Variants in PTPRQ observed in about 807,000 individuals in gnomAD.
The protein encoded by PTPRQ is phosphatidylinositol phosphatase PTPRQ.
In PTPRQ, 199 loss-of-function variants were observed where a neutral mutation model predicts 246.0. The observed-to-expected ratio is 0.81, with a 90% CI of 0.72 to 0.91. The LOEUF (loss-of-function observed/expected upper bound fraction) is 0.91. PTPRQ is among the 40% of genes least tolerant of loss of function. The probability of loss-of-function intolerance (pLI) is 0.00; values close to 1 mark genes in which losing one functional copy is unlikely to be tolerated. For synonymous variants in PTPRQ, 869 were observed against 853.2 expected (o/e 1.02, Z -0.32); for missense variants, 2,624 against 2,528.4 (o/e 1.04, Z -0.81).
At chr12:80,625,300 T>C (rs966697184) in intron 33 of PTPRQ, among the ~76,000 whole-genome samples, 5 of 151,806 alleles carry the variant, frequency 3.3e-5, no homozygotes, top group Non-Finnish European at 5.9e-5. Context: ...ACATTCCTGG[T>C]AAGCTGCTGA....
At chr12:80,461,875 T>A (rs1375728197) in intron 6 of PTPRQ, 2 of 148,696 alleles carry the variant, frequency 1.3e-5, no homozygotes, top group Non-Finnish European at 3.0e-5. Flanking sequence ...AAAAATGATT[T>A]CGGGGGGAGC....
intron 25 of PTPRQ, among the ~76,000 whole-genome samples, chr12:80,574,716 T>C (rs1435455301): frequency 1.3e-5 from 2 of 152,318 alleles, no homozygotes. Context: ...GTTTCTGCTG[T>C]TATTGTTATA....
chr12:80,526,016 G>C (rs1895675436), intron 17 of PTPRQ: 1 of 152,088 alleles, frequency 6.6e-6, no homozygotes, highest in Admixed American at 6.6e-5. Context: ...ATTTTTAAGA[G>C]ATAGCATCAA....
Position 80,496,023 on chromosome 12 carries a change from A to G in PTPRQ, c.1907A>G (p.Lys636Arg). Residue 636 changes from lysine to arginine, a missense_variant, in exon 13 of 45, where the codon AAA becomes AGA. Lys to Arg is a conservative substitution (Grantham distance 26, BLOSUM62 2). Coordinates refer to ENST00000644991, the MANE Select transcript of PTPRQ (RefSeq NM_001145026.2). ...GGGTTAAAGAAATACACAAAATACA[A>G]AATGAGAGTGGCAGCCTCAACCCAC... ...ITGLKKYTKY[K>R]MRVAASTHVG... The G allele has an allele frequency of 6.5e-7, 1 of 1,550,138 alleles. No individual in the cohort carries two copies.
chr12:80,635,048 GAAC>G lies in PTPRQ; in HGVS notation c.5891_5893del (p.Glu1964_Leu1965delinsVal). 6.4e-7 allele frequency: 1 copy of G among 1,551,082 alleles called. No individual in the cohort carries two copies. The highest frequency in any genetic ancestry group is 8.7e-7 in the Non-Finnish European group (1 of 1,146,696). On this transcript the variant is annotated inframe_deletion, in exon 35 of 45. Coordinates refer to ENST00000644991, the MANE Select transcript of PTPRQ (RefSeq NM_001145026.2). ...TCAGCTCATCACAGTGGCAGACCTG[GAAC>G]TGAAGGACGAGAGATTAACGCGGTG...
chr12:80,542,440 G>T, intron 22 of PTPRQ, 76 bp downstream of exon 22: 10 of 1,475,332 alleles, frequency 6.8e-6, no homozygotes, highest in African/African-American at 1.4e-5. Flanking sequence ...GAACAGCATG[G>T]AATATGAAAG....
At chr12:80,612,023 A>C (rs970633053) in intron 28 of PTPRQ, among the ~76,000 whole-genome samples, 4 of 150,312 alleles carry the variant, frequency 2.7e-5, no homozygotes, top group Non-Finnish European at 6.0e-5. Context: ...GAATATCTGA[A>C]CTGTTGACAG....
At chr12:80,642,929 A>G (rs1004871160) in intron 35 of PTPRQ, among the ~76,000 whole-genome samples, 32 of 141,204 alleles carry the variant, frequency 2.3e-4, no homozygotes, top group African/African-American at 6.7e-4. Flanking sequence ...TAAAAAAAAA[A>G]AAAAAAAAAA....
At chr12:80,506,304 A>G (rs1894959028) in intron 15 of PTPRQ, 98 bp downstream of exon 15, 1 of 1,282,112 alleles carries the variant, frequency 7.8e-7, no homozygotes, top group Non-Finnish European at 1.0e-6. Context: ...ATTTTCATGC[A>G]GGGTATTACA....
intron 8 of PTPRQ, among the ~76,000 whole-genome samples, chr12:80,482,563 G>T (rs1000644654): frequency 6.6e-6 from 1 of 150,448 alleles, no homozygotes; most frequent in Non-Finnish European, 1.5e-5. Flanking sequence ...TACAGCAAAA[G>T]AAACTACCAT....
chr12:80,541,735 T>C lies in PTPRQ; in HGVS notation c.3335T>C (p.Phe1112Ser). Residue 1112 changes from phenylalanine (F) to serine (S), a missense_variant, in exon 21 of 45, where the codon TTT becomes TCT. By Grantham distance (155) the Phe-to-Ser change is radical (BLOSUM62 -2). Transcript: ENST00000644991. Reference sequence around the variant, plus strand: ...GTTACATATGAGAGAAGCATATATTTTGATAATCTGGAAAAATACACTGAT... The same window carrying C: ...GTTACATATGAGAGAAGCATATATTCTGATAATCTGGAAAAATACACTGAT... ...PLVTYERSIY[F>S]DNLEKYTDYI... 1 of 1,551,322 alleles carries C rather than the reference T, an allele frequency of 6.4e-7. No homozygotes were observed. The highest frequency in any genetic ancestry group is 1.7e-4 in the Middle Eastern group (1 of 5,992).
intron 10 of PTPRQ, 43 bp downstream of exon 10, chr12:80,493,498 C>A: frequency 6.5e-7 from 1 of 1,529,336 alleles, no homozygotes; most frequent in Non-Finnish European, 8.8e-7. Flanking sequence ...TTTAAACCAC[C>A]AGTGCTAGCT....
intron 29 of PTPRQ, among the ~76,000 whole-genome samples, chr12:80,615,346 G>A (rs1159071581): frequency 1.3e-5 from 2 of 150,884 alleles, no homozygotes; most frequent in Admixed American, 6.6e-5. Flanking sequence ...GAGTGTGGGA[G>A]GGTGGGCCAC....
At chr12:80,624,784 C>T (rs151176636) in intron 33 of PTPRQ, among the ~76,000 whole-genome samples, 6 of 152,240 alleles carry the variant, frequency 3.9e-5, no homozygotes, top group Admixed American at 2.6e-4. Flanking sequence ...ATTGATAGAA[C>T]GCTGTAGATC....
At chr12:80,532,703 GAA>G (rs1428821149) in intron 17 of PTPRQ, among the ~76,000 whole-genome samples, 2 of 152,134 alleles carry the variant, frequency 1.3e-5, no homozygotes, top group Non-Finnish European at 1.5e-5. Flanking sequence ...TGGAGTCAAA[GAA>G]AACTCTCCCG....
At chr12:80,592,684 TTAA>T (rs1298469884) in intron 26 of PTPRQ, among the ~76,000 whole-genome samples, 1 of 152,136 alleles carries the variant, frequency 6.6e-6, no homozygotes, top group Non-Finnish European at 1.5e-5. Flanking sequence ...ATGAAGAATA[TTAA>T]TAAGTTTTGT....
At chr12:80,522,497 G>T (rs1319111877) in intron 17 of PTPRQ, among the ~76,000 whole-genome samples, 2 of 152,010 alleles carry the variant, frequency 1.3e-5, no homozygotes, top group African/African-American at 2.4e-5. Context: ...TTGGCTGTGG[G>T]TTTGTCATAG....
chr12:80,484,613 A>G lies in PTPRQ; in HGVS notation c.1359+8A>G. 2 of 1,548,428 alleles carry G rather than the reference A, an allele frequency of 1.3e-6. No homozygotes were observed. Among genetic ancestry groups the G allele is most frequent in the Non-Finnish European group, 8.7e-7 (1 of 1,146,262 alleles). On this transcript the variant is annotated splice_region_variant and intron_variant, in intron 9 of 44. Transcript: ENST00000644991. ...CTCACTGGAAATAATGAGGTATTGC[A>G]TTTTTATTTCACTTATTGGTGAACC...
chr12:80,518,102 A>G (rs2120743494), intron 17 of PTPRQ, among the ~76,000 whole-genome samples: 1 of 152,264 alleles, frequency 6.6e-6, no homozygotes, highest in Non-Finnish European at 1.5e-5. Flanking sequence ...TCCCACCAAC[A>G]GTGTACAAGG....
Sources: allele counts gnomAD v4.1 joint callset (sites outside exome capture counted in the v4.1 genomes callset), GRCh38; gene constraint gnomAD v4.1.1; transcripts MANE v1.5; gene names NCBI Gene and HGNC (gene_info 2026-07-23, HGNC 2026-07-21).